Variants in KAT6B observed in about 807,000 individuals in gnomAD.
KAT6B encodes lysine acetyltransferase 6B.
A neutral mutation model predicts 187.5 loss-of-function variants in KAT6B; 10 were observed. The observed-to-expected ratio is 0.05, with a 90% CI of 0.03 to 0.09. The LOEUF (loss-of-function observed/expected upper bound fraction) is 0.09, where lower values mean the gene tolerates loss of function less well. KAT6B is among the 10% of genes least tolerant of loss of function. The pLI is 1.00. For synonymous variants in KAT6B, 861 were observed against 926.8 expected (o/e 0.93, Z 1.29); for missense variants, 1,952 against 2,558.9 (o/e 0.76, Z 5.12).
intron 17 of KAT6B, 54 bp from the exon 18 acceptor site, chr10:75,028,435 G>T (rs753738451): frequency 3.1e-6 from 5 of 1,613,308 alleles, no homozygotes; most frequent in Non-Finnish European, 4.2e-6. Context: ...GTTGCCCATG[G>T]TTATGCTTTC....
In KAT6B at chr10:74,842,985, A is replaced by C. The variant is rs767361132; in HGVS notation, c.128A>C (p.Asp43Ala). 1 of 1,614,208 alleles carries C rather than the reference A, an allele frequency of 6.2e-7. No homozygotes were observed. The highest frequency in any genetic ancestry group is 2.2e-5 in the East Asian group (1 of 44,884). ...GCGGTCAGTACTTCCCATGGGTTGG[A>C]TAAGAAGACAGTCTCTGAACAGCTG... ...CHAVSTSHGL[D>A]KKTVSEQLEL... Residue 43 changes from aspartate (D) to alanine (A), a missense_variant, in exon 3 of 18, where the codon GAT becomes GCT. Asp to Ala is a moderately radical substitution (Grantham distance 126). Transcript: ENST00000287239.
At chr10:74,847,739 C>G (rs976791983) in intron 3 of KAT6B, among the ~76,000 whole-genome samples, 2 of 151,684 alleles carry the variant, frequency 1.3e-5, no homozygotes, top group African/African-American at 4.8e-5. Context: ...ATATATTACC[C>G]TTTGAAATTA....
chr10:74,865,812 C>G (rs1010990791), intron 3 of KAT6B, among the ~76,000 whole-genome samples: 19 of 152,198 alleles, frequency 1.2e-4, no homozygotes, highest in Admixed American at 1.2e-3. Flanking sequence ...CCACTGCACC[C>G]AGCCCCTGTA....
intron 3 of KAT6B, among the ~76,000 whole-genome samples, chr10:74,900,934 C>T (rs1280346013): frequency 6.6e-6 from 1 of 152,100 alleles, no homozygotes; most frequent in Admixed American, 6.5e-5. Context: ...TGCTCATTCA[C>T]CTAATACTCC....
In KAT6B at chr10:74,956,066, G is replaced by A. The variant is rs561299042; in HGVS notation, c.622-3904G>A. 2.0e-5 allele frequency among the ~76,000 whole-genome samples: 3 copies of A among 152,216 alleles called. No homozygotes were observed. In the South Asian group the frequency reaches 6.3e-4, roughly 32 times the overall value. ...AACTCCCCAAGTAGCTGGGACCACA[G>A]GCATGCGCCACCATGCCTGCCTAAT... On this transcript the variant is annotated intron_variant, in intron 3 of 17. Coordinates refer to ENST00000287239, the MANE Select transcript of KAT6B (RefSeq NM_012330.4).
intron 3 of KAT6B, among the ~76,000 whole-genome samples, chr10:74,872,571 TCTCA>T (rs538357396): frequency 4.2e-4 from 64 of 152,178 alleles, no homozygotes; most frequent in Admixed American, 2.4e-3. Context: ...AGTGACAGGG[TCTCA>T]CTATGTTACC....
At chr10:74,985,011 A>G (rs978551595) in intron 11 of KAT6B, 69 bp from the exon 12 acceptor site, 1 of 1,378,848 alleles carries the variant, frequency 7.3e-7, no homozygotes, top group Non-Finnish European at 1.0e-6. Flanking sequence ...GAAATACCAT[A>G]TAGAAGAAAC....
chr10:75,000,946 A>C (rs116828635), intron 13 of KAT6B, among the ~76,000 whole-genome samples: 1,999 of 152,188 alleles, frequency 0.013, 56 homozygotes, highest in African/African-American at 0.046. Flanking sequence ...AGATGGTGCA[A>C]ATGGCCCAGT....
At chr10:75,004,217 T>C (rs1287728368) in intron 13 of KAT6B, among the ~76,000 whole-genome samples, 1 of 152,136 alleles carries the variant, frequency 6.6e-6, no homozygotes, top group Non-Finnish European at 1.5e-5. Flanking sequence ...AATGAAACCT[T>C]AGTGGGACCA....
At chr10:74,980,408 GGCCAA>G (rs1308389992) in intron 10 of KAT6B, among the ~76,000 whole-genome samples, 7 of 152,190 alleles carry the variant, frequency 4.6e-5, no homozygotes, top group African/African-American at 1.7e-4. Context: ...GTGAGTGTCT[GGCCAA>G]TCACGTAACT....
At chr10:75,017,672 C>T (rs146451273) in intron 13 of KAT6B, among the ~76,000 whole-genome samples, 19 of 152,146 alleles carry the variant, frequency 1.2e-4, no homozygotes, top group African/African-American at 4.3e-4. Context: ...TAAAACATCG[C>T]ATGTTATGAG....
intron 7 of KAT6B, among the ~76,000 whole-genome samples, chr10:74,973,698 C>CA (rs2133699876): frequency 6.6e-6 from 1 of 152,170 alleles, no homozygotes; most frequent in East Asian, 1.9e-4. Flanking sequence ...TGAAACTTTG[C>CA]AAAAACCCTT....
intron 4 of KAT6B, among the ~76,000 whole-genome samples, chr10:74,967,847 A>G (rs977374031): frequency 2.6e-5 from 4 of 152,240 alleles, no homozygotes; most frequent in Admixed American, 6.5e-5. Context: ...AAGCTGTAAT[A>G]TGATGTGAAT....
chr10:75,017,662 T>C (rs1053502166), intron 13 of KAT6B, among the ~76,000 whole-genome samples: 3 of 152,164 alleles, frequency 2.0e-5, no homozygotes, highest in Non-Finnish European at 4.4e-5. Flanking sequence ...ATTCGTTTTT[T>C]AAAACATCGC....
In KAT6B at chr10:75,022,001, T is replaced by C; in HGVS notation, c.3142T>C (p.Ser1048Pro). The C allele has an allele frequency of 6.2e-7, 1 of 1,613,956 alleles. No individual in the cohort carries two copies. The change falls in exon 16 of 18, where the codon TCC becomes CCC. Residue 1048 changes from serine to proline, a missense_variant. This residue lies in a region of KAT6B where 758 missense variants were observed against 891.4 expected (regional missense o/e 0.85). Transcript: ENST00000287239. The part of the protein sequence containing the change: ...KVQSKNKYLH[S>P]PESRPVTGER... ...ACAATCGAAAAATAAATATTTGCAT[T>C]CCCCGGAGAGCCGGCCAGTCACAGG...
intron 3 of KAT6B, among the ~76,000 whole-genome samples, chr10:74,922,035 A>C (rs1042230603): frequency 1.9e-4 from 29 of 152,318 alleles, no homozygotes; most frequent in African/African-American, 7.0e-4. Flanking sequence ...CTGCCAGAAA[A>C]GACAACTCCT....
chr10:74,964,912 C>T (rs929127568), intron 4 of KAT6B, among the ~76,000 whole-genome samples: 2 of 152,176 alleles, frequency 1.3e-5, no homozygotes, highest in African/African-American at 2.4e-5. Flanking sequence ...CTAAATTTAT[C>T]GATGCATCCC....
At chr10:75,022,359 C>A in intron 16 of KAT6B, 128 bp downstream of exon 16, 1 of 1,012,536 alleles carries the variant, frequency 9.9e-7, no homozygotes, top group Non-Finnish European at 1.6e-6. Flanking sequence ...TACCCAGTCC[C>A]GCTGATCATA....
At chr10:74,955,442 T>G (rs1840619216) in intron 3 of KAT6B, among the ~76,000 whole-genome samples, 1 of 138,360 alleles carries the variant, frequency 7.2e-6, no homozygotes, top group Admixed American at 7.5e-5. Flanking sequence ...AATTATAGAA[T>G]GAACACCCAT....
Sources: gnomAD v4.1 joint callset for allele counts (sites outside exome capture counted in the v4.1 genomes callset) on GRCh38, gnomAD v4.1.1 for gene constraint, gnomAD v4.1.1 regional missense constraint, MANE v1.5 for transcripts, NCBI Gene and HGNC (gene_info 2026-07-23, HGNC 2026-07-21) for gene names.